The following NGEF variants were observed in gnomAD, a reference collection of about 807,000 sequenced individuals.
The protein encoded by NGEF is ephexin-1.
A neutral mutation model predicts 80.9 loss-of-function variants in NGEF; 31 were observed. The observed-to-expected ratio is 0.38, with a 90% CI of 0.29 to 0.52. The LOEUF (loss-of-function observed/expected upper bound fraction) is 0.52, where lower values mean the gene tolerates loss of function less well. NGEF is among the 20% of genes least tolerant of loss of function. The pLI is 0.84. For missense variants in NGEF, 709 were observed against 926.2 expected (o/e 0.77, Z 3.04); for synonymous variants, 371 against 370.2 (o/e 1.00, Z -0.03).
At chr2:232,945,984 A>C (rs571975493) in intron 3 of NGEF, among the ~76,000 whole-genome samples, 2 of 151,706 alleles carry the variant, frequency 1.3e-5, no homozygotes, top group Non-Finnish European at 2.9e-5. Context: ...TCAATCAACT[A>C]GTGGATAAAC....
chr2:232,900,674 GCT>G (rs1277421252), intron 5 of NGEF, among the ~76,000 whole-genome samples: 3 of 113,652 alleles, frequency 2.6e-5, no homozygotes, highest in African/African-American at 1.1e-4. Flanking sequence ...ACACACACAC[GCT>G]CTCAGTCACT....
At chr2:232,995,697 G>T (rs1360187965) in intron 1 of NGEF, among the ~76,000 whole-genome samples, 1 of 134,466 alleles carries the variant, frequency 7.4e-6, no homozygotes, top group Non-Finnish European at 1.5e-5. Flanking sequence ...TATAGTGTAT[G>T]TATTATATGT....
rs906296140 is a variant in NGEF at position 232,956,196 on chromosome 2, CACTCTGAG to C, written c.383+14010_383+14017del. ...CTATAAAGAGGATCCAGGGCTCAAC[CACTCTGAG>C]TGGTTGTCCCTGAAGGGACCTGGCT... On this transcript the variant is annotated intron_variant, in intron 3 of 14. Transcript: ENST00000264051. Among the ~76,000 whole-genome samples the C allele has an allele frequency of 1.4e-3, 210 of 152,214 alleles. 1 individual carries two copies. The highest frequency in any genetic ancestry group is 7.5e-4 in the Non-Finnish European group (51 of 68,024).
At chr2:232,994,937 T>C (rs1371917806) in intron 1 of NGEF, among the ~76,000 whole-genome samples, 4 of 84,794 alleles carry the variant, frequency 4.7e-5, no homozygotes, top group Admixed American at 1.2e-4. Flanking sequence ...CATGGATATA[T>C]ACACACATAT....
intron 3 of NGEF, among the ~76,000 whole-genome samples, chr2:232,931,834 A>G (rs1294088317): frequency 6.6e-6 from 1 of 152,160 alleles, no homozygotes; most frequent in Non-Finnish European, 1.5e-5. Flanking sequence ...GGGGAGAATG[A>G]CTCAAGAGGC....
At chr2:232,954,369 G>T (rs1304537854) in intron 3 of NGEF, among the ~76,000 whole-genome samples, 1 of 152,162 alleles carries the variant, frequency 6.6e-6, no homozygotes, top group Non-Finnish European at 1.5e-5. Flanking sequence ...AGATGGATAA[G>T]TTGCCAGAAA....
intron 1 of NGEF, among the ~76,000 whole-genome samples, chr2:232,991,233 C>G (rs939804666): frequency 1.3e-5 from 2 of 151,806 alleles, no homozygotes; most frequent in Admixed American, 6.6e-5. Flanking sequence ...GGTTATAAGA[C>G]CCTTAGCCAA....
intron 4 of NGEF, among the ~76,000 whole-genome samples, chr2:232,921,903 A>G (rs1266492496): frequency 2.6e-5 from 4 of 152,180 alleles, no homozygotes; most frequent in African/African-American, 9.7e-5. Context: ...ATTCGGGGAC[A>G]GTTACAAGAT....
chr2:232,926,559 A>C (rs912338496), intron 4 of NGEF, among the ~76,000 whole-genome samples: 4 of 152,016 alleles, frequency 2.6e-5, no homozygotes, highest in African/African-American at 7.2e-5. Flanking sequence ...TTCCCTGTGC[A>C]AAGTTGGCCA....
At chr2:232,984,106 A>ACAAGGTCTC (rs1694489705) in intron 1 of NGEF, among the ~76,000 whole-genome samples, 3 of 152,184 alleles carry the variant, frequency 2.0e-5, no homozygotes, top group Admixed American at 2.0e-4. Flanking sequence ...ATTTTTTCAG[A>ACAAGGTCTC]CAAGGTCTCA....
chr2:233,001,115 C>T (rs1366410556), intron 1 of NGEF, among the ~76,000 whole-genome samples: 1 of 152,132 alleles, frequency 6.6e-6, no homozygotes, highest in Non-Finnish European at 1.5e-5. Context: ...CTGACCAGAG[C>T]AGGGTGGAGC....
At chr2:232,920,142 A>G (rs956549577) in intron 5 of NGEF, 142 bp downstream of exon 5, 4 of 739,628 alleles carry the variant, frequency 5.4e-6, no homozygotes, top group Admixed American at 2.8e-5. Flanking sequence ...ATTTTTCTGC[A>G]TGTTCTAGAT....
chr2:232,979,524 G>A (rs1694365532), intron 1 of NGEF, among the ~76,000 whole-genome samples: 1 of 152,140 alleles, frequency 6.6e-6, no homozygotes, highest in African/African-American at 2.4e-5. Flanking sequence ...ACGATTAACT[G>A]CCAGAAAACC....
At chr2:232,947,610 G>A (rs575610613) in intron 3 of NGEF, among the ~76,000 whole-genome samples, 150 of 152,212 alleles carry the variant, frequency 9.9e-4, no homozygotes, top group African/African-American at 3.3e-3. Flanking sequence ...TGTCTGCTTC[G>A]CCTTCTGCCA....
intron 5 of NGEF, among the ~76,000 whole-genome samples, chr2:232,917,739 T>G (rs568529025): frequency 5.6e-4 from 86 of 152,312 alleles, no homozygotes; most frequent in African/African-American, 2.0e-3. Flanking sequence ...GATAATATAA[T>G]GGGTTTAGAT....
chr2:232,923,435 T>G (rs940833920), intron 4 of NGEF, among the ~76,000 whole-genome samples: 9 of 152,100 alleles, frequency 5.9e-5, no homozygotes, highest in Non-Finnish European at 1.3e-4. Flanking sequence ...GAAGGTTGAC[T>G]GATCAAAACC....
intron 1 of NGEF, among the ~76,000 whole-genome samples, chr2:232,992,114 C>A (rs1424782660): frequency 6.6e-6 from 1 of 151,938 alleles, no homozygotes; most frequent in Non-Finnish European, 1.5e-5. Flanking sequence ...GGGGTAAAAC[C>A]ATAAAACTCT....
intron 1 of NGEF, among the ~76,000 whole-genome samples, chr2:232,994,644 C>T (rs558937620): frequency 1.7e-4 from 26 of 152,098 alleles, no homozygotes; most frequent in African/African-American, 2.2e-4. Flanking sequence ...TTGTCATCCC[C>T]GTTCGGCCCT....
At chr2:232,906,173 G>T (rs868165636) in intron 5 of NGEF, among the ~76,000 whole-genome samples, 659 of 21,860 alleles carry the variant, frequency 0.03, 21 homozygotes, top group Non-Finnish European at 0.038. Flanking sequence ...GAGGTGGGGG[G>T]GTCAGCCCCC....
Sources: allele counts gnomAD v4.1 joint callset (sites outside exome capture counted in the v4.1 genomes callset), GRCh38; gene constraint gnomAD v4.1.1; transcripts MANE v1.5; gene names NCBI Gene and HGNC (gene_info 2026-07-23, HGNC 2026-07-21).